MSANTD3: variants seen among roughly 807,000 people sequenced by gnomAD.
MSANTD3 encodes the protein myb/SANT-like DNA-binding domain-containing protein 3.
MSANTD3 carries 11 observed loss-of-function variants against 27.7 expected under a neutral mutation model. The ratio of observed to expected loss-of-function variants is 0.40; its 90% CI spans 0.25 to 0.66. The LOEUF (loss-of-function observed/expected upper bound fraction) is 0.66, where lower values mean the gene tolerates loss of function less well. Ranked by LOEUF, MSANTD3 falls within the 30% of genes least tolerant of loss-of-function variation. The probability of loss-of-function intolerance (pLI) is 0.41; values close to 1 mark genes in which losing one functional copy is unlikely to be tolerated. For missense variants in MSANTD3, 250 were observed against 336.5 expected (o/e 0.74, Z 2.01); for synonymous variants, 131 against 127.2 (o/e 1.03, Z -0.20).
intron 2 of MSANTD3, 113 bp downstream of exon 2, chr9:100,442,469 TC>T: frequency 6.9e-7 from 1 of 1,447,508 alleles, no homozygotes; most frequent in Middle Eastern, 1.9e-4. Flanking sequence ...TTGTATCAAA[TC>T]CAATTTTCCT....
chr9:100,444,589 A>T (rs1836708458), intron 2 of MSANTD3: 1 of 152,616 alleles, frequency 6.6e-6, no homozygotes, highest in Non-Finnish European at 1.5e-5. Context: ...TACATTGCTT[A>T]TGTTCCCTGG....
At chr9:100,439,910 C>G (rs1333064902) in intron 1 of MSANTD3, among the ~76,000 whole-genome samples, 4 of 152,156 alleles carry the variant, frequency 2.6e-5, no homozygotes, top group African/African-American at 9.6e-5. Flanking sequence ...AAATCAGAGG[C>G]TTGGAGAATG....
chr9:100,441,084 C>T (rs972054162), intron 1 of MSANTD3, among the ~76,000 whole-genome samples: 29 of 151,088 alleles, frequency 1.9e-4, no homozygotes, highest in Admixed American at 7.9e-4. Flanking sequence ...TACAGGCGCA[C>T]GCCACCACGC....
Position 100,442,124 on chromosome 9 carries a change from G to A in MSANTD3, c.186G>A (p.Val62=), listed in dbSNP as rs771395583. 71 of 1,614,072 alleles carry A rather than the reference G, an allele frequency of 4.4e-5. No individual in the cohort carries two copies. The highest frequency in any genetic ancestry group is 5.9e-5 in the Non-Finnish European group (70 of 1,180,038). Reference sequence around the variant, plus strand: ...ACGAATACAACTCTCAGCCCAGCGTGTCCCTGCGGGATTTCAAACAGCTGA... The same window carrying A: ...ACGAATACAACTCTCAGCCCAGCGTATCCCTGCGGGATTTCAAACAGCTGA... ...LAHEYNSQPS[V]SLRDFKQLKK... is the part of the protein sequence containing the mutation. Residue 62 remains valine (V), a synonymous_variant, in exon 2 of 3, where the codon GTG becomes GTA. Transcript: ENST00000395067.
intron 2 of MSANTD3, chr9:100,448,701 T>G (rs1836814911): frequency 2.0e-6 from 2 of 985,362 alleles, no homozygotes; most frequent in South Asian, 9.4e-5. Flanking sequence ...AAACTGCCAG[T>G]TTTAACAAGT....
chr9:100,440,756 ATTTTTT>A, intron 1 of MSANTD3, among the ~76,000 whole-genome samples: 1 of 51,870 alleles, frequency 1.9e-5, no homozygotes, highest in South Asian at 6.6e-4. Context: ...ACACCTGGCT[ATTTTTT>A]TTTCTTCTTT....
At chr9:100,447,041 T>C (rs147064663) in intron 2 of MSANTD3, among the ~76,000 whole-genome samples, 65 of 152,138 alleles carry the variant, frequency 4.3e-4, no homozygotes, top group Non-Finnish European at 8.2e-4. Context: ...TTAAACTTAC[T>C]CCAGTTGTCC....
intron 1 of MSANTD3, among the ~76,000 whole-genome samples, chr9:100,432,015 G>T (rs181207995): frequency 6.6e-6 from 1 of 152,130 alleles, no homozygotes; most frequent in African/African-American, 2.4e-5. Context: ...GGGGAAGGAC[G>T]GGGTTAGGAC....
At chr9:100,441,626 C>T (rs1346102963) in intron 1 of MSANTD3, among the ~76,000 whole-genome samples, 2 of 151,814 alleles carry the variant, frequency 1.3e-5, no homozygotes, top group Admixed American at 6.6e-5. Context: ...GTGACAAGAG[C>T]GAGACTCCGT....
intron 1 of MSANTD3, among the ~76,000 whole-genome samples, chr9:100,434,314 G>A (rs1452328456): frequency 6.6e-6 from 1 of 152,140 alleles, no homozygotes; most frequent in South Asian, 2.1e-4. Context: ...GATCACCTGA[G>A]GTCAGGAGTT....
intron 1 of MSANTD3, among the ~76,000 whole-genome samples, chr9:100,431,091 C>T (rs1836366830): frequency 1.3e-5 from 2 of 151,948 alleles, no homozygotes; most frequent in Non-Finnish European, 2.9e-5. Flanking sequence ...CAACTTCCAC[C>T]TCCCGGGTTC....
intron 2 of MSANTD3, among the ~76,000 whole-genome samples, chr9:100,447,105 TC>T (rs1459084845): frequency 6.6e-6 from 1 of 152,142 alleles, no homozygotes; most frequent in East Asian, 1.9e-4. Flanking sequence ...TGTTGGGATT[TC>T]CTACCCTTTT....
chr9:100,442,094 G>A lies in MSANTD3; in HGVS notation c.156G>A (p.Leu52=), dbSNP rs1182358104. The change falls in exon 2 of 3, where the codon CTG becomes CTA. Residue 52 remains leucine (L), a synonymous_variant. Transcript: ENST00000395067. ...TTAAGCAGCGTACCTGGCAGGCGCT[G>A]GCCCACGAATACAACTCTCAGCCCA... is the stretch of plus-strand genomic sequence containing the variant. The part of the protein sequence containing the change: ...IALKQRTWQA[L]AHEYNSQPSV... 1 of 1,614,052 alleles carries A rather than the reference G, an allele frequency of 6.2e-7. No homozygotes were observed. Among genetic ancestry groups the A allele is most frequent in the African/African-American group, 1.3e-5 (1 of 74,942 alleles).
At chr9:100,441,600 C>T (rs191323823) in intron 1 of MSANTD3, among the ~76,000 whole-genome samples, 117 of 152,242 alleles carry the variant, frequency 7.7e-4, no homozygotes, top group Non-Finnish European at 1.5e-3. Flanking sequence ...GGTCGTGCCA[C>T]TGCACTCCAG....
chr9:100,438,534 T>C (rs1836531540), intron 1 of MSANTD3, among the ~76,000 whole-genome samples: 1 of 152,210 alleles, frequency 6.6e-6, no homozygotes, highest in South Asian at 2.1e-4. Context: ...ATCAGAGTTC[T>C]TAATCCTTAC....
At chr9:100,439,710 G>C (rs1481403342) in intron 1 of MSANTD3, among the ~76,000 whole-genome samples, 1 of 149,854 alleles carries the variant, frequency 6.7e-6, no homozygotes, top group Non-Finnish European at 1.5e-5. Flanking sequence ...TAGTAGAGAC[G>C]GGGTTTCACT....
At chr9:100,450,078 T>A (rs1836849606) in intron 2 of MSANTD3, among the ~76,000 whole-genome samples, 1 of 152,176 alleles carries the variant, frequency 6.6e-6, no homozygotes. Flanking sequence ...GGCTAACACC[T>A]GTGACCAGGA....
intron 1 of MSANTD3, among the ~76,000 whole-genome samples, chr9:100,437,423 A>G (rs941350878): frequency 6.6e-6 from 1 of 152,226 alleles, no homozygotes; most frequent in Non-Finnish European, 1.5e-5. Flanking sequence ...AAGTCAGACC[A>G]CTTACTATTT....
rs898971954 is a variant in MSANTD3 at position 100,435,582 on chromosome 9, A to G, written c.-33-6324A>G. Among the ~76,000 whole-genome samples the G allele has an allele frequency of 5.9e-5, 9 of 152,196 alleles. No homozygotes were observed. In the East Asian group the frequency reaches 1.7e-3, roughly 29 times the overall value. Reference sequence around the variant, plus strand: ...GATTCTTGCAGTTCTAGAGGCTGAGAAGGCCAAGATCAAGGTGTTGGCAAG... The same window carrying G: ...GATTCTTGCAGTTCTAGAGGCTGAGGAGGCCAAGATCAAGGTGTTGGCAAG... On this transcript the variant is annotated intron_variant, in intron 1 of 2. Transcript: ENST00000395067.
Sources: gnomAD v4.1 joint callset for allele counts (sites outside exome capture counted in the v4.1 genomes callset) on GRCh38, gnomAD v4.1.1 for gene constraint, MANE v1.5 for transcripts, NCBI Gene and HGNC (gene_info 2026-07-23, HGNC 2026-07-21) for gene names.